PIP4P2: variants seen among roughly 807,000 people sequenced by gnomAD.
PIP4P2 encodes type 2 phosphatidylinositol 4,5-bisphosphate 4-phosphatase.
PIP4P2 carries 19 observed loss-of-function variants against 33.3 expected under a neutral mutation model. The observed-to-expected ratio is 0.57, with a 90% CI of 0.40 to 0.84. The LOEUF is 0.84. PIP4P2 is among the 40% of genes least tolerant of loss of function. The pLI is 0.00. For missense variants in PIP4P2, 270 were observed against 324.7 expected, an observed-to-expected ratio of 0.83 and a Z score of 1.29; for synonymous variants, 110 against 111.9, an observed-to-expected ratio of 0.98 and a Z score of 0.11.
Position 91,038,653 on chromosome 8 carries a change from A to G in PIP4P2, c.106+1991T>C, listed in dbSNP as rs113813723. ...TGAATGAATAGTGGTGGTCTTCCAG[A>G]TCTTGTGTATTACTCATAATATTTA... On this transcript the variant is annotated intron_variant, in intron 1 of 6. Transcript: ENST00000285419. 1.2e-3 allele frequency among the ~76,000 whole-genome samples: 185 copies of G among 152,290 alleles called. 1 individual carries two copies. Among genetic ancestry groups the G allele is most frequent in the African/African-American group, 4.4e-3 (183 of 41,568 alleles).
At chr8:91,030,562 T>C (rs1812149421) in intron 1 of PIP4P2, among the ~76,000 whole-genome samples, 1 of 152,206 alleles carries the variant, frequency 6.6e-6, no homozygotes, top group Non-Finnish European at 1.5e-5. Context: ...ATTAGTAATA[T>C]ATTGGCATGG....
At chr8:91,009,712 C>T (rs1377705422) in intron 4 of PIP4P2, among the ~76,000 whole-genome samples, 2 of 151,766 alleles carry the variant, frequency 1.3e-5, no homozygotes, top group Non-Finnish European at 2.9e-5. Context: ...GATATTCAAA[C>T]GTTTTCCACA....
At chr8:91,024,397 A>C (rs1214945220) in intron 1 of PIP4P2, 1 of 389,076 alleles carries the variant, frequency 2.6e-6, no homozygotes, top group Admixed American at 2.9e-5. Context: ...TTATTAATTT[A>C]AATGATTAAT....
chr8:91,002,528 A>C (rs947971681), intron 5 of PIP4P2, among the ~76,000 whole-genome samples: 3 of 152,330 alleles, frequency 2.0e-5, no homozygotes, highest in African/African-American at 7.2e-5. Context: ...TGTTCTTTAC[A>C]TTACAATTTT....
intron 1 of PIP4P2, among the ~76,000 whole-genome samples, chr8:91,038,930 A>C (rs1261266485): frequency 6.6e-6 from 1 of 152,182 alleles, no homozygotes; most frequent in Non-Finnish European, 1.5e-5. Flanking sequence ...ACTTTTTCTC[A>C]GTGGCTGAAC....
Position 91,020,244 on chromosome 8 carries a change from G to A in PIP4P2, c.275C>T (p.Thr92Ile). Residue 92 changes from threonine to isoleucine, a missense_variant, in exon 3 of 7, where the codon ACA (threonine) becomes ATA (isoleucine). Physicochemically the swap from Thr to Ile is moderately conservative, Grantham distance 89 (BLOSUM62 -1). Transcript: ENST00000285419. Reference sequence around the variant, plus strand: ...AGGGCATCTAACATATTTCTTGCCTGTTGGGGGGTTTTTGATTGGCTGGAT... The same window carrying A: ...AGGGCATCTAACATATTTCTTGCCTATTGGGGGGTTTTTGATTGGCTGGAT... The part of the protein sequence containing the change: ...NEATPIKNPP[T>I]GKKYVRCPCN... The A allele has an allele frequency of 6.2e-7, 1 of 1,613,688 alleles. No homozygotes were observed.
chr8:91,025,483 C>T, intron 1 of PIP4P2, among the ~76,000 whole-genome samples: 1 of 152,132 alleles, frequency 6.6e-6, no homozygotes, highest in East Asian at 1.9e-4. Context: ...GATATATCCT[C>T]CAGTATTTTA....
chr8:91,018,164 A>T (rs1294635670), intron 4 of PIP4P2, among the ~76,000 whole-genome samples: 1 of 152,176 alleles, frequency 6.6e-6, no homozygotes, highest in Non-Finnish European at 1.5e-5. Flanking sequence ...CTACATAGAG[A>T]GGATCCTTTT....
chr8:90,996,751 A>G lies in PIP4P2; in HGVS notation c.540-7T>C. 6.3e-7 allele frequency: 1 copy of G among 1,594,668 alleles called. No individual in the cohort carries two copies. The highest frequency in any genetic ancestry group is 8.5e-7 in the Non-Finnish European group (1 of 1,170,158). On this transcript the variant is annotated splice_region_variant and splice_polypyrimidine_tract_variant and intron_variant, in intron 5 of 6. Transcript: ENST00000285419. ...TGCACTACCCACTGAGGAGCTGCAA[A>G]TTCATGAAAGCAAAAGAGAACATTA... is the stretch of plus-strand genomic sequence containing the variant.
At chr8:90,997,375 TATAC>T (rs1203257101) in intron 5 of PIP4P2, among the ~76,000 whole-genome samples, 4 of 152,250 alleles carry the variant, frequency 2.6e-5, no homozygotes, top group Non-Finnish European at 5.9e-5. Flanking sequence ...TCTTCATTAT[TATAC>T]ATAATGCCAA....
In PIP4P2 at chr8:91,034,379, T is replaced by G. The variant is rs1812208426; in HGVS notation, c.106+6265A>C. ...GCCTACAGAATAATGACAAAAAGAC[T>G]ACAACAGCAAATGAGCTCACCACCA... On this transcript the variant is annotated intron_variant, in intron 1 of 6. Coordinates refer to ENST00000285419, the MANE Select transcript of PIP4P2 (RefSeq NM_018710.3). 2.0e-5 allele frequency among the ~76,000 whole-genome samples: 3 copies of G among 152,122 alleles called. No homozygotes were observed. In the South Asian group the frequency reaches 6.2e-4, roughly 31 times the overall value.
rs192042061 is a variant in PIP4P2, at chr8:91,007,643, G to A, written c.539+1100C>T. Among the ~76,000 whole-genome samples, 5 of 152,260 alleles carry A rather than the reference G, an allele frequency of 3.3e-5. No individual in the cohort carries two copies. In the East Asian group the frequency reaches 7.7e-4, roughly 23 times the overall value. ...ATTTTATTATCAAAATAGATGCAGT[G>A]CAGAAAAGAGTTAACACAGTAGGCC... On this transcript the variant is annotated intron_variant, in intron 5 of 6. Transcript: ENST00000285419.
chr8:91,012,332 TAA>T (rs1173373125), intron 4 of PIP4P2, among the ~76,000 whole-genome samples: 3 of 152,026 alleles, frequency 2.0e-5, no homozygotes, highest in African/African-American at 7.2e-5. Flanking sequence ...CCTTGCAAGC[TAA>T]GTCTAAAACA....
At chr8:91,004,006 G>C (rs968002566) in intron 5 of PIP4P2, among the ~76,000 whole-genome samples, 1 of 146,970 alleles carries the variant, frequency 6.8e-6, no homozygotes, top group Non-Finnish European at 1.5e-5. Context: ...TAGATAGATA[G>C]ATAGATGAAA....
At chr8:91,033,431 A>C (rs1812196794) in intron 1 of PIP4P2, among the ~76,000 whole-genome samples, 1 of 152,154 alleles carries the variant, frequency 6.6e-6, no homozygotes, top group Non-Finnish European at 1.5e-5. Flanking sequence ...AGTCCTGTTT[A>C]AAATACATCC....
At chr8:91,040,540 G>T in intron 1 of PIP4P2, 104 bp downstream of exon 1, 1 of 1,331,876 alleles carries the variant, frequency 7.5e-7, no homozygotes, top group Non-Finnish European at 1.1e-6. Flanking sequence ...CAAGCGAGAG[G>T]CTCACCTCCA....
At chr8:91,028,638 C>T (rs1444613178) in intron 1 of PIP4P2, among the ~76,000 whole-genome samples, 1 of 152,130 alleles carries the variant, frequency 6.6e-6, no homozygotes, top group Non-Finnish European at 1.5e-5. Flanking sequence ...TGTTCCCTGG[C>T]CCATAGGTTA....
intron 4 of PIP4P2, 129 bp downstream of exon 4, chr8:91,018,261 A>C: frequency 1.4e-6 from 2 of 1,423,780 alleles, no homozygotes; most frequent in East Asian, 2.3e-5. Flanking sequence ...TTGTCTGCCT[A>C]AATAAGTCTC....
In PIP4P2 at chr8:91,038,178, T is replaced by C. The variant is rs192541042; in HGVS notation, c.106+2466A>G. 5.0e-4 allele frequency among the ~76,000 whole-genome samples: 76 copies of C among 152,312 alleles called. No homozygotes were observed. In the East Asian group the frequency reaches 7.5e-3, roughly 15 times the overall value. On this transcript the variant is annotated intron_variant, in intron 1 of 6. Coordinates refer to ENST00000285419, the MANE Select transcript of PIP4P2 (RefSeq NM_018710.3). ...CTGCTCCCTGCTACATTATTAATAA[T>C]CTGTCTAGAAATAAACACTCCACCG...
Sources: gnomAD v4.1 joint callset for allele counts (sites outside exome capture counted in the v4.1 genomes callset) on GRCh38, gnomAD v4.1.1 for gene constraint, MANE v1.5 for transcripts, NCBI Gene and HGNC (gene_info 2026-07-23, HGNC 2026-07-21) for gene names.